C1orf226: variants seen among roughly 807,000 people sequenced by gnomAD.
C1orf226 encodes uncharacterized protein C1orf226.
C1orf226 carries 4 observed loss-of-function variants against 10.5 expected under a neutral mutation model. The observed-to-expected ratio is 0.38, with a 90% confidence interval of 0.19 to 0.87. The LOEUF (loss-of-function observed/expected upper bound fraction) is 0.87, where lower values mean the gene tolerates loss of function less well. C1orf226 is among the 40% of genes least tolerant of loss of function. C1orf226 has a pLI of 0.41. For synonymous variants in C1orf226, 125 were observed against 139.3 expected (o/e 0.90, Z 0.72); for missense variants, 313 against 336.2 (o/e 0.93, Z 0.54).
upstream of C1orf226, chr1:162,381,693 C>A: frequency 7.1e-7 from 1 of 1,406,826 alleles, no homozygotes; most frequent in East Asian, 2.7e-5. Flanking sequence ...TGGGGCAGAG[C>A]TAGAATTTCT....
chr1:162,379,499 A>G (rs144255019), upstream of C1orf226, among the ~76,000 whole-genome samples: 362 of 152,324 alleles, frequency 2.4e-3, 3 homozygotes, highest in African/African-American at 8.4e-3. Context: ...AACTTATTAA[A>G]TGCCTACTAT....
At chr1:162,379,551 C>T (rs1248063055), upstream of C1orf226, among the ~76,000 whole-genome samples, 1 of 152,166 alleles carries the variant, frequency 6.6e-6, no homozygotes, top group African/African-American at 2.4e-5. Flanking sequence ...GATAAAGAAA[C>T]ACTTCAGGAG....
In C1orf226 at chr1:162,383,584, C is replaced by G. The variant is rs1420953774; in HGVS notation, c.720C>G (p.Ser240Arg). ...TCAAACTCAGCTTGAGCCCCATCAGCCTGGCTGAGTCCTGGGAGGATGGCA... is the reference window on the plus strand; with the variant it reads ...TCAAACTCAGCTTGAGCCCCATCAGGCTGGCTGAGTCCTGGGAGGATGGCA... Reference protein sequence around the residue: ...NGFKLSLSPISLAESWEDGSP... With the variant: ...NGFKLSLSPIRLAESWEDGSP... Residue 240 changes from serine (S) to arginine (R), a missense_variant, in exon 2 of 2, where the codon AGC becomes AGG. By Grantham distance (110) the Ser-to-Arg change is moderately radical (BLOSUM62 -1). Transcript: ENST00000458626. The G allele has an allele frequency of 1.2e-6, 2 of 1,605,464 alleles. No homozygotes were observed. Among genetic ancestry groups the G allele is most frequent in the Non-Finnish European group, 1.7e-6 (2 of 1,175,824 alleles).
upstream of C1orf226, among the ~76,000 whole-genome samples, chr1:162,381,497 A>G (rs1647904226): frequency 6.6e-6 from 1 of 152,192 alleles, no homozygotes; most frequent in Non-Finnish European, 1.5e-5. Flanking sequence ...CAACCCACTG[A>G]GAGCTCAGCA....
chr1:162,381,053 T>C (rs1025808429), upstream of C1orf226, among the ~76,000 whole-genome samples: 1 of 152,230 alleles, frequency 6.6e-6, no homozygotes, highest in Non-Finnish European at 1.5e-5. Flanking sequence ...TTCCATGATC[T>C]ATAGCAGGGC....
At chr1:162,381,443 C>T (rs1049547046), upstream of C1orf226, among the ~76,000 whole-genome samples, 6 of 152,204 alleles carry the variant, frequency 3.9e-5, no homozygotes, top group African/African-American at 1.2e-4. Flanking sequence ...CAGTGGGGAG[C>T]TTCTAACACC....
At position 162,383,440 on chromosome 1, in the gene C1orf226, T is replaced by A; in HGVS notation, c.576T>A (p.Asn192Lys). ...AAGAGAGAGGCAAAGTTCTGCCCAA[T>A]GGAGAGGTTTCCCTGTCAGTACCTG... ...EREERGKVLP[N>K]GEVSLSVPDL... is the part of the protein sequence containing the mutation. Residue 192 changes from asparagine (N) to lysine (K), a missense_variant, in exon 2 of 2, where the codon AAT (asparagine) becomes AAA (lysine). Coordinates refer to ENST00000458626, the MANE Select transcript of C1orf226 (RefSeq NM_001085375.2). The A allele has an allele frequency of 6.3e-7, 1 of 1,589,844 alleles. No individual in the cohort carries two copies. Among genetic ancestry groups the A allele is most frequent in the Non-Finnish European group, 8.6e-7 (1 of 1,167,770 alleles).
In C1orf226 at chr1:162,383,536, C is replaced by T; in HGVS notation, c.672C>T (p.Pro224=). 4.4e-6 allele frequency: 7 copies of T among 1,606,140 alleles called. No homozygotes were observed. Among genetic ancestry groups the T allele is most frequent in the Non-Finnish European group, 5.1e-6 (6 of 1,175,948 alleles). The change falls in exon 2 of 2, where the codon CCC becomes CCT. Residue 224 remains proline (P), a synonymous_variant. Coordinates refer to ENST00000458626, the MANE Select transcript of C1orf226 (RefSeq NM_001085375.2). ...CTGAGTGCAGAAGGGCCTCCTCCCCCAGCCTTATCGAGAGGAATGGCTTCA... is the reference window on the plus strand; with the variant it reads ...CTGAGTGCAGAAGGGCCTCCTCCCCTAGCCTTATCGAGAGGAATGGCTTCA... ...KMTECRRASS[P]SLIERNGFKL...
At chr1:162,380,075 G>C (rs1382248955), upstream of C1orf226, among the ~76,000 whole-genome samples, 1 of 152,238 alleles carries the variant, frequency 6.6e-6, no homozygotes, top group Admixed American at 6.5e-5. Context: ...GGACCTGACA[G>C]GCAAATTGTG....
upstream of C1orf226, among the ~76,000 whole-genome samples, chr1:162,380,859 A>G (rs1403565887): frequency 6.6e-6 from 1 of 152,226 alleles, no homozygotes; most frequent in Non-Finnish European, 1.5e-5. Context: ...CAAGATCTGT[A>G]TTGAGCACAG....
At chr1:162,379,987 A>C (rs971070410), upstream of C1orf226, among the ~76,000 whole-genome samples, 14 of 152,180 alleles carry the variant, frequency 9.2e-5, no homozygotes, top group African/African-American at 3.1e-4. Flanking sequence ...TTTGGGGGGA[A>C]ATAGTTAAAT....
rs1647920408 is a variant in C1orf226 at position 162,381,810 on chromosome 1, G to A, written c.-92G>A. On this transcript the variant is annotated 5_prime_UTR_variant, in exon 1 of 2. Transcript: ENST00000458626. ...TGGAAGTTACAGGTTTTGGGTGTGG[G>A]ATAAGGAAAAACTGAATGATAGAGC... is the stretch of plus-strand genomic sequence containing the variant. 7 of 1,538,790 alleles carry A rather than the reference G, an allele frequency of 4.5e-6. No individual in the cohort carries two copies. Among genetic ancestry groups the A allele is most frequent in the Non-Finnish European group, 8.7e-7 (1 of 1,150,266 alleles).
chr1:162,383,980 AGC>A lies in C1orf226; in HGVS notation c.*298_*299del. On this transcript the variant is annotated 3_prime_UTR_variant, in exon 2 of 2. Transcript: ENST00000458626. Reference sequence around the variant, plus strand: ...GGACATTAGAGCTCTTCCACTCTTGAGCTTGTCCTGTCTTCTCAGTGAATTGC... The same window carrying A: ...GGACATTAGAGCTCTTCCACTCTTGATTGTCCTGTCTTCTCAGTGAATTGC... 7.7e-6 allele frequency: 3 copies of A among 388,118 alleles called. No homozygotes were observed. Among genetic ancestry groups the A allele is most frequent in the South Asian group, 5.2e-5 (1 of 19,074 alleles). The allele number at this position is 388,118 out of a possible 1,614,324, so 24.0% of individuals were successfully genotyped here.
rs776875683 is a variant in C1orf226 at position 162,383,519 on chromosome 1, A to G, written c.655A>G (p.Arg219Gly). 1.5e-5 allele frequency: 24 copies of G among 1,605,384 alleles called. No individual in the cohort carries two copies. Among genetic ancestry groups the G allele is most frequent in the Middle Eastern group, 1.6e-4 (1 of 6,072 alleles). The change falls in exon 2 of 2, where the codon AGA becomes GGA. Residue 219 changes from arginine (R) to glycine (G), a missense_variant. Physicochemically the swap from Arg to Gly is moderately radical, Grantham distance 125 (BLOSUM62 -2). Coordinates refer to ENST00000458626, the MANE Select transcript of C1orf226 (RefSeq NM_001085375.2). The part of the protein sequence containing the change: ...DESKLKMTEC[R>G]RASSPSLIER... ...ATCCAAGCTAAAGATGACTGAGTGC[A>G]GAAGGGCCTCCTCCCCCAGCCTTAT... is the stretch of plus-strand genomic sequence containing the variant.
In C1orf226 at chr1:162,383,523, G is replaced by A. The variant is rs762047926; in HGVS notation, c.659G>A (p.Arg220Lys). ...AAGCTAAAGATGACTGAGTGCAGAA[G>A]GGCCTCCTCCCCCAGCCTTATCGAG... ...ESKLKMTECR[R>K]ASSPSLIERN... Residue 220 changes from arginine (R) to lysine (K), a missense_variant, in exon 2 of 2, where the codon AGG becomes AAG. Coordinates refer to ENST00000458626, the MANE Select transcript of C1orf226 (RefSeq NM_001085375.2). 3 of 1,605,626 alleles carry A rather than the reference G, an allele frequency of 1.9e-6. No homozygotes were observed. Among genetic ancestry groups the A allele is most frequent in the Admixed American group, 3.4e-5 (2 of 58,988 alleles).
Position 162,385,548 on chromosome 1 carries a change from A to G in C1orf226, c.*1865A>G, listed in dbSNP as rs1235821731. The G allele has an allele frequency of 1.3e-5, 2 of 152,232 alleles. No individual in the cohort carries two copies. Among genetic ancestry groups the G allele is most frequent in the Non-Finnish European group, 2.9e-5 (2 of 68,062 alleles). 9.4% of individuals were successfully genotyped at this position (152,232 alleles called of 1,614,324 possible). A position where few individuals can be genotyped will look rare whatever the true frequency, so the allele number is the denominator to read the frequency against. The stretch of plus-strand genomic sequence containing the variant: ...GTAGGGCACCTGCAGGCCCTGGTAG[A>G]GTGAGCAGGGCTTACGTGTACATTC... On this transcript the variant is annotated 3_prime_UTR_variant, in exon 2 of 2. Coordinates refer to ENST00000458626, the MANE Select transcript of C1orf226 (RefSeq NM_001085375.2).
At chr1:162,382,678 C>T (rs530627689) in intron 1 of C1orf226, among the ~76,000 whole-genome samples, 79 of 152,274 alleles carry the variant, frequency 5.2e-4, no homozygotes, top group African/African-American at 1.5e-3. Flanking sequence ...TTCTGATGCC[C>T]GGCCATAGCT....
Position 162,382,004 on chromosome 1 carries a change from T to C in C1orf226, c.103T>C (p.Ser35Pro), listed in dbSNP as rs1647933552. The change falls in exon 1 of 2, where the codon TCT (serine) becomes CCT (proline). Residue 35 changes from serine to proline, a missense_variant. By Grantham distance (74) the Ser-to-Pro change is moderately conservative. Coordinates refer to ENST00000458626, the MANE Select transcript of C1orf226 (RefSeq NM_001085375.2). Reference sequence around the variant, plus strand: ...GGCCCCCGGCTCTGCCCCTCTGGGCTCTGGTGAGCCTGGGGGGCCAGGACT... The same window carrying C: ...GGCCCCCGGCTCTGCCCCTCTGGGCCCTGGTGAGCCTGGGGGGCCAGGACT... The part of the protein sequence containing the change: ...PVAPGSAPLG[S>P]GEPGGPGLWV... 4 of 1,612,470 alleles carry C rather than the reference T, an allele frequency of 2.5e-6. 1 individual carries two copies. Among genetic ancestry groups the C allele is most frequent in the Middle Eastern group, 3.3e-4 (2 of 6,062 alleles).
At position 162,385,158 on chromosome 1, in the gene C1orf226, T is replaced by C. The variant is rs561381793; in HGVS notation, c.*1475T>C. 1.3e-5 allele frequency: 2 copies of C among 152,686 alleles called. No homozygotes were observed. Among genetic ancestry groups the C allele is most frequent in the South Asian group, 4.2e-4 (2 of 4,818 alleles). 9.5% of individuals were successfully genotyped at this position (152,686 alleles called of 1,614,324 possible). A position where few individuals can be genotyped will look rare whatever the true frequency, so the allele number is the denominator to read the frequency against. On this transcript the variant is annotated 3_prime_UTR_variant, in exon 2 of 2. Transcript: ENST00000458626. ...TCCGGCCAGGGCAGGCGGTGCGGCATCCTCCTCCTGGGATTCCTGTGGCCT... is the reference window on the plus strand; with the variant it reads ...TCCGGCCAGGGCAGGCGGTGCGGCACCCTCCTCCTGGGATTCCTGTGGCCT...
Sources: gnomAD v4.1 joint callset for allele counts (sites outside exome capture counted in the v4.1 genomes callset) on GRCh38, gnomAD v4.1.1 for gene constraint, MANE v1.5 for transcripts, NCBI Gene and HGNC (gene_info 2026-07-23, HGNC 2026-07-21) for gene names.